Variants in INTS4 observed in about 807,000 individuals in gnomAD.
INTS4 encodes integrator complex subunit 4.
In INTS4, 70 loss-of-function variants were observed where a neutral mutation model predicts 119.5. That is an observed-to-expected ratio of 0.59 (90% CI 0.48 to 0.71). The LOEUF (loss-of-function observed/expected upper bound fraction) is 0.71, where lower values mean the gene tolerates loss of function less well. Ranked by LOEUF, INTS4 falls within the 30% of genes least tolerant of loss-of-function variation. The pLI, the probability that INTS4 is intolerant of heterozygous loss-of-function variation, is 0.00. For missense variants in INTS4, 867 were observed against 1,173.2 expected (o/e 0.74, Z 3.81); for synonymous variants, 316 against 419.6 (o/e 0.75, Z 3.02).
intron 14 of INTS4, among the ~76,000 whole-genome samples, chr11:77,920,206 C>CACATATATAT (rs1555026387): frequency 0.23 from 20,735 of 88,846 alleles, 1,830 homozygotes; most frequent in Middle Eastern, 0.42. Context: ...CATATATATA[C>CACATATATAT]ACACATATAT....
chr11:77,935,116 T>C (rs1349846653), intron 10 of INTS4, among the ~76,000 whole-genome samples: 2 of 152,170 alleles, frequency 1.3e-5, no homozygotes. Context: ...AGATAGCATA[T>C]GGAAATCACA....
intron 2 of INTS4, among the ~76,000 whole-genome samples, chr11:77,983,654 T>C (rs1856331244): frequency 6.6e-6 from 1 of 152,154 alleles, no homozygotes; most frequent in African/African-American, 2.4e-5. Context: ...CTCGTTAAGA[T>C]GGCTACTATC....
At chr11:77,911,094 G>A (rs1046976669) in intron 15 of INTS4, 1 of 1,285,112 alleles carries the variant, frequency 7.8e-7, no homozygotes, top group Non-Finnish European at 1.0e-6. Flanking sequence ...ATGCTCGGCA[G>A]GTAACGTTAC....
chr11:77,964,491 G>A (rs1044473059), intron 4 of INTS4, among the ~76,000 whole-genome samples: 4 of 151,828 alleles, frequency 2.6e-5, no homozygotes, highest in East Asian at 1.9e-4. Context: ...GGAGAACGGC[G>A]TGAACCCAGG....
rs754844926 is a variant in INTS4, at chr11:77,979,065, C to T, written c.402G>A (p.Leu134=). ...CTGGTAGCTTAGTGCCAATTGCAAG[C>T]AAAGTATCCAGCAGTTGAGCTAGGA... The part of the protein sequence containing the change: ...HQVLAQLLDT[L]LAIGTKLPEN... Residue 134 remains leucine, a synonymous_variant, in exon 4 of 23, where the codon TTG becomes TTA. Coordinates refer to ENST00000534064, the MANE Select transcript of INTS4 (RefSeq NM_033547.4). The T allele has an allele frequency of 3.1e-6, 5 of 1,612,878 alleles. No individual in the cohort carries two copies. The Admixed American group carries it at 8.3e-5, about 27-fold the overall frequency.
At chr11:77,884,112 T>A (rs1351518811) in intron 21 of INTS4, among the ~76,000 whole-genome samples, 160 bp from the exon 22 acceptor site, 1 of 152,188 alleles carries the variant, frequency 6.6e-6, no homozygotes, top group African/African-American at 2.4e-5. Flanking sequence ...GACATCTCTA[T>A]TCCCCTAATC....
At chr11:77,989,940 G>C (rs1307144064) in intron 2 of INTS4, among the ~76,000 whole-genome samples, 1 of 152,086 alleles carries the variant, frequency 6.6e-6, no homozygotes, top group Non-Finnish European at 1.5e-5. Context: ...TTTGGGCTGG[G>C]AATGGTAGCT....
At chr11:77,886,514 G>A (rs1016831484) in intron 21 of INTS4, among the ~76,000 whole-genome samples, 1 of 152,178 alleles carries the variant, frequency 6.6e-6, no homozygotes, top group African/African-American at 2.4e-5. Context: ...AATGAAGCAC[G>A]GGTAAACGGC....
Position 77,891,465 on chromosome 11 carries a change from G to C in INTS4, c.2449-3C>G. ...ATGGTGGCTGAGGCTTTGTGGATCTGTAAGCAAGAGGAAAATCCTATGATT... is the reference window on the plus strand; with the variant it reads ...ATGGTGGCTGAGGCTTTGTGGATCTCTAAGCAAGAGGAAAATCCTATGATT... On this transcript the variant is annotated splice_region_variant and splice_polypyrimidine_tract_variant and intron_variant, in intron 20 of 22. Coordinates refer to ENST00000534064, the MANE Select transcript of INTS4 (RefSeq NM_033547.4). The C allele has an allele frequency of 6.2e-7, 1 of 1,613,648 alleles. No homozygotes were observed. The highest frequency in any genetic ancestry group is 8.5e-7 in the Non-Finnish European group (1 of 1,179,698).
At chr11:77,950,677 T>C (rs1954169276) in intron 8 of INTS4, among the ~76,000 whole-genome samples, 1 of 152,164 alleles carries the variant, frequency 6.6e-6, no homozygotes, top group African/African-American at 2.4e-5. Flanking sequence ...TAGATGTGTA[T>C]CAAAACATCA....
chr11:77,936,764 A>AAAGG (rs112761376), intron 10 of INTS4, among the ~76,000 whole-genome samples: 60 of 152,236 alleles, frequency 3.9e-4, no homozygotes, highest in East Asian at 5.8e-4. Flanking sequence ...CTGGAGAAAG[A>AAAGG]AAGGAAGGAA....
At chr11:77,932,242 A>AAAAAC (rs1344269626) in intron 10 of INTS4, among the ~76,000 whole-genome samples, 1 of 152,122 alleles carries the variant, frequency 6.6e-6, no homozygotes, top group African/African-American at 2.4e-5. Context: ...CAAATTTCCA[A>AAAAAC]AAAACAAAAC....
At position 77,955,741 on chromosome 11, in the gene INTS4, G is replaced by A. The variant is rs188649734; in HGVS notation, c.918+201C>T. ...AATCTCCTGACCTCGTGATCCGCCT[G>A]CCTTGGCCTCCCAAAGTGCTGGAAT... On this transcript the variant is annotated intron_variant, in intron 8 of 22. Transcript: ENST00000534064. 1.4e-3 allele frequency among the ~76,000 whole-genome samples: 211 copies of A among 152,092 alleles called. No homozygotes were observed. The highest frequency in any genetic ancestry group is 2.4e-3 in the Non-Finnish European group (161 of 68,010).
Position 77,894,445 on chromosome 11 carries a change from T to C in INTS4, c.2229-96A>G, listed in dbSNP as rs1032233551. Reference sequence around the variant, plus strand: ...ACCTGAGCCTAAATTAAAGGAAAATTAGCATATTATACTATAAAAATGATC... The same window carrying C: ...ACCTGAGCCTAAATTAAAGGAAAATCAGCATATTATACTATAAAAATGATC... On this transcript the variant is annotated intron_variant, in intron 18 of 22. Transcript: ENST00000534064. The C allele has an allele frequency of 2.2e-5, 14 of 640,834 alleles. No individual in the cohort carries two copies. The African/African-American group carries it at 2.6e-4, about 12-fold the overall frequency. 39.7% of individuals were successfully genotyped at this position (640,834 alleles called of 1,614,324 possible).
intron 22 of INTS4, among the ~76,000 whole-genome samples, chr11:77,882,905 T>C (rs1019086024): frequency 6.6e-5 from 10 of 152,088 alleles, no homozygotes; most frequent in African/African-American, 2.2e-4. Flanking sequence ...ACCCTGTCTC[T>C]ACTAAAATAC....
chr11:77,937,169 C>CCA (rs1953816643), intron 10 of INTS4, among the ~76,000 whole-genome samples: 1 of 151,406 alleles, frequency 6.6e-6, no homozygotes, highest in Admixed American at 6.6e-5. Context: ...TCTGTCCCCG[C>CCA]CACACCCCCC....
chr11:77,876,077 C>T (rs895603101), downstream of INTS4, among the ~76,000 whole-genome samples: 4 of 152,030 alleles, frequency 2.6e-5, no homozygotes, highest in African/African-American at 7.2e-5. Context: ...GTGGTTCCAT[C>T]AGTATACAAA....
At chr11:77,984,914 GAA>G (rs56373012) in intron 2 of INTS4, among the ~76,000 whole-genome samples, 1 of 137,394 alleles carries the variant, frequency 7.3e-6, no homozygotes, top group Non-Finnish European at 1.5e-5. Flanking sequence ...AAATGTAAAT[GAA>G]AAAAAAAAAA....
rs201743487 is a variant in INTS4, at chr11:77,961,076, G to A, written c.534C>T (p.Gly178=). 1.2e-6 allele frequency: 2 copies of A among 1,607,760 alleles called. No homozygotes were observed. The highest frequency in any genetic ancestry group is 1.7e-6 in the Non-Finnish European group (2 of 1,178,736). Residue 178 remains glycine, a synonymous_variant, in exon 5 of 23, where the codon GGC becomes GGT. Transcript: ENST00000534064. ...NKCLQLLGNL[G]SLEKSVTKDA... Reference sequence around the variant, plus strand: ...CTTTTGTGACACTTTTCTCCAAAGAGCCAAGATTGCCAAGTAACTGCAGGC... The same window carrying A: ...CTTTTGTGACACTTTTCTCCAAAGAACCAAGATTGCCAAGTAACTGCAGGC...
Sources: gnomAD v4.1 joint callset for allele counts (sites outside exome capture counted in the v4.1 genomes callset) on GRCh38, gnomAD v4.1.1 for gene constraint, MANE v1.5 for transcripts, NCBI Gene and HGNC (gene_info 2026-07-23, HGNC 2026-07-21) for gene names.